The following KAZN variants were observed in gnomAD, a reference collection of about 807,000 sequenced individuals.
KAZN encodes the protein kazrin.
KAZN carries 40 observed loss-of-function variants against 87.4 expected under a neutral mutation model. The observed-to-expected ratio is 0.46, with a 90% CI of 0.36 to 0.60. KAZN has a LOEUF of 0.60. Among genes scored for constraint, KAZN ranks in the 20% least tolerant of loss-of-function variants. KAZN has a pLI of 0.00. For missense variants in KAZN, 898 were observed against 1,073.9 expected (o/e 0.84, Z 2.29); for synonymous variants, 466 against 458.3 (o/e 1.02, Z -0.22).
chr1:14,900,643 A>G (rs530555468), intron 1 of KAZN, among the ~76,000 whole-genome samples: 18 of 151,728 alleles, frequency 1.2e-4, no homozygotes, highest in Non-Finnish European at 2.4e-4. Flanking sequence ...AGTCCCAACT[A>G]CTCGGGAGGC....
At chr1:14,572,672 C>A (rs1312184187) in intron 2 of KAZN, among the ~76,000 whole-genome samples, 2 of 152,198 alleles carry the variant, frequency 1.3e-5, no homozygotes, top group Non-Finnish European at 2.9e-5. Flanking sequence ...TTTGACCAGG[C>A]AGAGCATGTA....
At chr1:14,873,356 C>A (rs758624772) in intron 1 of KAZN, among the ~76,000 whole-genome samples, 8 of 152,182 alleles carry the variant, frequency 5.3e-5, no homozygotes, top group Non-Finnish European at 1.0e-4. Flanking sequence ...TTTCTAGTAG[C>A]AGTAAGCACT....
At chr1:14,682,266 AGGTTAAGACATG>A (rs1305165863) in intron 1 of KAZN, among the ~76,000 whole-genome samples, 1 of 149,706 alleles carries the variant, frequency 6.7e-6, no homozygotes, top group Non-Finnish European at 1.5e-5. Flanking sequence ...AATACCTTCA[AGGTTAAGACATG>A]GGTCAGAATT....
At chr1:14,167,480 T>C (rs1383710358) in intron 1 of KAZN, among the ~76,000 whole-genome samples, 2 of 152,140 alleles carry the variant, frequency 1.3e-5, no homozygotes, top group Non-Finnish European at 2.9e-5. Flanking sequence ...CCCAGTACTC[T>C]GGGAGGACGA....
intron 1 of KAZN, among the ~76,000 whole-genome samples, chr1:14,093,182 G>A (rs554179664): frequency 3.9e-5 from 6 of 152,220 alleles, no homozygotes; most frequent in Non-Finnish European, 7.4e-5. Context: ...GCCACTGCCC[G>A]TCAAGAAATT....
chr1:14,465,195 C>T (rs1668054227), intron 2 of KAZN, among the ~76,000 whole-genome samples: 1 of 151,560 alleles, frequency 6.6e-6, no homozygotes, highest in African/African-American at 2.4e-5. Flanking sequence ...GTCAGGAGAT[C>T]GAGACCATCC....
chr1:14,910,326 A>T (rs1172457695), intron 1 of KAZN, among the ~76,000 whole-genome samples: 1 of 152,090 alleles, frequency 6.6e-6, no homozygotes. Flanking sequence ...GCCTTCCCCC[A>T]TGTGGGTGCC....
intron 2 of KAZN, among the ~76,000 whole-genome samples, chr1:14,371,474 A>T (rs1243809773): frequency 6.6e-6 from 1 of 152,146 alleles, no homozygotes; most frequent in Admixed American, 6.5e-5. Context: ...ATGCCTGGGG[A>T]ACATTTGGCA....
At chr1:14,090,628 C>G (rs1236770864) in intron 1 of KAZN, among the ~76,000 whole-genome samples, 15 of 152,118 alleles carry the variant, frequency 9.9e-5, no homozygotes, top group Admixed American at 9.8e-4. Flanking sequence ...GACTGATTTG[C>G]CTCTATTACT....
intron 1 of KAZN, among the ~76,000 whole-genome samples, chr1:13,969,589 C>T (rs762529256): frequency 4.6e-5 from 7 of 152,134 alleles, no homozygotes; most frequent in African/African-American, 1.7e-4. Flanking sequence ...CACACCAGCT[C>T]GCTTGTTGGG....
intron 1 of KAZN, among the ~76,000 whole-genome samples, chr1:14,142,103 C>CT (rs1440729362): frequency 7.1e-6 from 1 of 140,432 alleles, no homozygotes; most frequent in Non-Finnish European, 1.5e-5. Flanking sequence ...TTCCTCCCTC[C>CT]TTCCCTTTTT....
intron 2 of KAZN, among the ~76,000 whole-genome samples, chr1:14,331,028 T>C (rs1437992905): frequency 6.6e-6 from 1 of 152,190 alleles, no homozygotes; most frequent in Non-Finnish European, 1.5e-5. Flanking sequence ...CTTCCTTGAA[T>C]AAAGACTACA....
intron 2 of KAZN, among the ~76,000 whole-genome samples, chr1:14,189,568 C>T (rs1360467250): frequency 6.6e-6 from 1 of 152,134 alleles, no homozygotes; most frequent in Non-Finnish European, 1.5e-5. Context: ...CCTGGCTCAT[C>T]TTAGATGTCC....
At chr1:14,041,872 T>G (rs1440422425) in intron 1 of KAZN, among the ~76,000 whole-genome samples, 1 of 152,250 alleles carries the variant, frequency 6.6e-6, no homozygotes. Context: ...ATCTTTCTCT[T>G]ACAATTCTGA....
chr1:14,026,630 T>G (rs547813112), intron 1 of KAZN, among the ~76,000 whole-genome samples: 1 of 152,094 alleles, frequency 6.6e-6, no homozygotes, highest in East Asian at 1.9e-4. Flanking sequence ...GCAACTTTTC[T>G]TAGCCTTTAA....
At chr1:14,586,027 G>T (rs1387142887) in intron 2 of KAZN, among the ~76,000 whole-genome samples, 1 of 152,196 alleles carries the variant, frequency 6.6e-6, no homozygotes, top group Admixed American at 6.5e-5. Context: ...GTTCCCTAGT[G>T]GGGGTGTTGG....
At chr1:14,910,143 C>T (rs866782525) in intron 1 of KAZN, among the ~76,000 whole-genome samples, 1 of 152,306 alleles carries the variant, frequency 6.6e-6, no homozygotes, top group African/African-American at 2.4e-5. Context: ...CTCCAGAAGG[C>T]TCTGGGATAT....
At chr1:14,976,488 T>C (rs1459268733) in intron 2 of KAZN, among the ~76,000 whole-genome samples, 1 of 152,130 alleles carries the variant, frequency 6.6e-6, no homozygotes, top group Non-Finnish European at 1.5e-5. Flanking sequence ...ACCCAGAACA[T>C]GGTTCAGACT....
At chr1:14,218,022 T>C (rs1445072337) in intron 2 of KAZN, among the ~76,000 whole-genome samples, 1 of 152,106 alleles carries the variant, frequency 6.6e-6, no homozygotes, top group Non-Finnish European at 1.5e-5. Flanking sequence ...AGGAATTTAG[T>C]GAGAGTAAAT....
Sources: allele counts gnomAD v4.1 joint callset (sites outside exome capture counted in the v4.1 genomes callset), GRCh38; gene constraint gnomAD v4.1.1; transcripts MANE v1.5; gene names NCBI Gene and HGNC (gene_info 2026-07-23, HGNC 2026-07-21).